DAGLA: variants seen among roughly 807,000 people sequenced by gnomAD.
The protein encoded by DAGLA is diacylglycerol lipase-alpha.
Under a neutral mutation model 102.6 loss-of-function variants are expected in DAGLA, and 22 were observed. The ratio of observed to expected loss-of-function variants is 0.21; its 90% CI spans 0.15 to 0.31. DAGLA has a LOEUF of 0.31. DAGLA is among the 10% of genes least tolerant of loss of function. The pLI, the probability that DAGLA is intolerant of heterozygous loss-of-function variation, is 1.00. For synonymous variants in DAGLA, 578 were observed against 628.9 expected (o/e 0.92, Z 1.21); for missense variants, 927 against 1,446.6 (o/e 0.64, Z 5.83).
intron 3 of DAGLA, 74 bp downstream of exon 3, chr11:61,720,964 C>T (rs556162656): frequency 2.0e-4 from 290 of 1,427,090 alleles, no homozygotes; most frequent in Admixed American, 3.5e-4. Flanking sequence ...GTATTTACTG[C>T]GCACATGTTG....
chr11:61,735,692 T>A, intron 11 of DAGLA, 47 bp from the exon 12 acceptor site: 1 of 1,612,800 alleles, frequency 6.2e-7, no homozygotes, highest in South Asian at 1.1e-5. Context: ...GCCTCCCTCT[T>A]CCTGTCCTCT....
chr11:61,684,273 G>C lies in DAGLA; in HGVS notation c.-45+3769G>C, dbSNP rs1422374185. On this transcript the variant is annotated intron_variant, in intron 1 of 19. Coordinates refer to ENST00000257215, the MANE Select transcript of DAGLA (RefSeq NM_006133.3). The surrounding 1 kb of genome is among the most constrained non-coding windows in gnomAD (Gnocchi z 4.5). The stretch of plus-strand genomic sequence containing the variant: ...CACTCCAGTGGACTGGGCAAGTAGC[G>C]CTGGGGGAAATATCAATGAGCATGT... 6.6e-6 allele frequency among the ~76,000 whole-genome samples: 1 copy of C among 152,236 alleles called. No homozygotes were observed. Among genetic ancestry groups the C allele is most frequent in the Non-Finnish European group, 1.5e-5 (1 of 68,046 alleles).
intron 16 of DAGLA, among the ~76,000 whole-genome samples, chr11:61,738,718 C>T (rs1371356050): frequency 6.6e-6 from 1 of 152,060 alleles, no homozygotes; most frequent in Non-Finnish European, 1.5e-5. Context: ...CTGGAGGACA[C>T]TGGCAGACGG....
chr11:61,721,502 T>C (rs137952722), intron 3 of DAGLA, among the ~76,000 whole-genome samples: 137 of 152,368 alleles, frequency 9.0e-4, no homozygotes, highest in African/African-American at 3.1e-3. Flanking sequence ...ACAGCGACTG[T>C]AGGACTCCCA....
intron 1 of DAGLA, among the ~76,000 whole-genome samples, chr11:61,715,581 G>A (rs2065229996): frequency 6.6e-6 from 1 of 152,218 alleles, no homozygotes; most frequent in African/African-American, 2.4e-5. Context: ...AGGACGAGGG[G>A]GCGAGGCCCA....
chr11:61,682,039 G>C (rs2064947001), intron 1 of DAGLA, among the ~76,000 whole-genome samples: 1 of 150,978 alleles, frequency 6.6e-6, no homozygotes, highest in Non-Finnish European at 1.5e-5. Context: ...GATGTTGAGG[G>C]TAGGGTGGCA....
intron 1 of DAGLA, among the ~76,000 whole-genome samples, chr11:61,718,437 G>A (rs2065254699): frequency 6.6e-6 from 1 of 152,120 alleles, no homozygotes; most frequent in Non-Finnish European, 1.5e-5. Context: ...GGCAATACCA[G>A]CTGTTGGCAG....
At chr11:61,718,585 C>T (rs2065255943) in intron 1 of DAGLA, among the ~76,000 whole-genome samples, 1 of 151,464 alleles carries the variant, frequency 6.6e-6, no homozygotes. Flanking sequence ...CCCCTGCAGT[C>T]CACAGACCAC....
intron 1 of DAGLA, among the ~76,000 whole-genome samples, chr11:61,708,732 G>A (rs2065170701): frequency 1.3e-5 from 2 of 152,200 alleles, no homozygotes; most frequent in Non-Finnish European, 2.9e-5. Context: ...CACCCCAAGA[G>A]GGAGGCACTG....
chr11:61,699,955 C>T (rs900826618), intron 1 of DAGLA, among the ~76,000 whole-genome samples: 1 of 152,246 alleles, frequency 6.6e-6, no homozygotes. Flanking sequence ...GGCAGGTGGC[C>T]GGCTGCCTCT....
chr11:61,685,771 T>G (rs2064981737), intron 1 of DAGLA, among the ~76,000 whole-genome samples: 4 of 136,880 alleles, frequency 2.9e-5, no homozygotes, highest in East Asian at 2.1e-4. Flanking sequence ...CCGGTGGGAG[T>G]GAACAAAGGA....
At position 61,685,028 on chromosome 11, in the gene DAGLA, C is replaced by T. The variant is rs115068517; in HGVS notation, c.-45+4524C>T. Among the ~76,000 whole-genome samples, 873 of 152,192 alleles carry T rather than the reference C, an allele frequency of 5.7e-3. 9 individuals carry two copies. Among genetic ancestry groups the T allele is most frequent in the African/African-American group, 0.02 (815 of 41,518 alleles). ...CACCCTTCTGTGTGCTACCTGGGGG[C>T]GTCTCACACGCCTGCTTCCATGCTC... is the stretch of plus-strand genomic sequence containing the variant. On this transcript the variant is annotated intron_variant, in intron 1 of 19. Coordinates refer to ENST00000257215, the MANE Select transcript of DAGLA (RefSeq NM_006133.3).
At chr11:61,742,159 A>G (rs2065485831) in intron 19 of DAGLA, among the ~76,000 whole-genome samples, 1 of 152,196 alleles carries the variant, frequency 6.6e-6, no homozygotes, top group Non-Finnish European at 1.5e-5. Flanking sequence ...ACAGACCCAG[A>G]CACACAAGCC....
intron 17 of DAGLA, 38 bp downstream of exon 17, chr11:61,739,699 G>A (rs1482553534): frequency 6.3e-7 from 1 of 1,597,290 alleles, no homozygotes; most frequent in Non-Finnish European, 8.5e-7. Flanking sequence ...AGGGGGTAGT[G>A]GCCAGGGCAG....
chr11:61,742,924 CAG>C (rs1222850100), intron 19 of DAGLA, among the ~76,000 whole-genome samples: 2 of 152,126 alleles, frequency 1.3e-5, no homozygotes, highest in Non-Finnish European at 2.9e-5. Flanking sequence ...GGTACAATGA[CAG>C]GGGTTCTGGT....
At chr11:61,736,201 G>C (rs1170765963) in intron 12 of DAGLA, 69 bp from the exon 13 acceptor site, 2 of 1,324,716 alleles carry the variant, frequency 1.5e-6, no homozygotes, top group African/African-American at 2.9e-5. Flanking sequence ...CTGAGCTGCA[G>C]GTCACTGTGG....
At chr11:61,736,576 A>G (rs539920391) in intron 13 of DAGLA, among the ~76,000 whole-genome samples, 1 of 152,374 alleles carries the variant, frequency 6.6e-6, no homozygotes, top group African/African-American at 2.4e-5. Context: ...GATTCATGCC[A>G]GACACTAGAG....
chr11:61,686,598 G>A lies in DAGLA; in HGVS notation c.-45+6094G>A, dbSNP rs2064986678. 6.6e-6 allele frequency among the ~76,000 whole-genome samples: 1 copy of A among 152,216 alleles called. No homozygotes were observed. Among genetic ancestry groups the A allele is most frequent in the Non-Finnish European group, 1.5e-5 (1 of 68,032 alleles). On this transcript the variant is annotated intron_variant, in intron 1 of 19. Transcript: ENST00000257215. The surrounding 1 kb of genome is among the most constrained non-coding windows in gnomAD (Gnocchi z 5.2). ...GGCTTGCCCTCACCTGTGTTTGGGG[G>A]CTGCTCCTGCAAACCAGTCCTACAC...
chr11:61,723,415 C>T lies in DAGLA; in HGVS notation c.410-19C>T, dbSNP rs772750425. The T allele has an allele frequency of 1.9e-5, 31 of 1,607,786 alleles. No individual in the cohort carries two copies. Among genetic ancestry groups the T allele is most frequent in the Non-Finnish European group, 2.5e-5 (29 of 1,174,800 alleles). ...TGTCCCCAGCGCCCCTACCTAATGC[C>T]TCCCACTGCTGCCCGCAGGAATGGT... On this transcript the variant is annotated intron_variant, in intron 4 of 19. Transcript: ENST00000257215.
Sources: gnomAD v4.1 joint callset for allele counts (sites outside exome capture counted in the v4.1 genomes callset) on GRCh38, gnomAD v4.1.1 for gene constraint, Gnocchi (gnomAD v3.1) non-coding constraint, MANE v1.5 for transcripts, NCBI Gene and HGNC (gene_info 2026-07-23, HGNC 2026-07-21) for gene names.